ENTPD4: variants seen among roughly 807,000 people sequenced by gnomAD.
ENTPD4 encodes the protein Golgi UDPase.
ENTPD4 carries 60 observed loss-of-function variants against 79.1 expected under a neutral mutation model. That is an observed-to-expected ratio of 0.76 (90% CI 0.62 to 0.94). The LOEUF is 0.94. Among genes scored for constraint, ENTPD4 ranks in the 40% least tolerant of loss-of-function variants. The pLI, the probability that ENTPD4 is intolerant of heterozygous loss-of-function variation, is 0.00. For synonymous variants in ENTPD4, 276 were observed against 292.0 expected (o/e 0.95, Z 0.56); for missense variants, 772 against 775.1 (o/e 1.00, Z 0.05).
chr8:23,431,612 A>G lies in ENTPD4; in HGVS notation c.*1314T>C, dbSNP rs1168807803. ...GTGCTGCCAGCAACAGCCTCAGTCA[A>G]TGCGGTTAGGAAGAGGACTCGGCAG... On this transcript the variant is annotated 3_prime_UTR_variant, in exon 13 of 13. Transcript: ENST00000358689. 4 of 985,246 alleles carry G rather than the reference A, an allele frequency of 4.1e-6. No homozygotes were observed. In the African/African-American group the frequency reaches 7.0e-5, roughly 17 times the overall value. 61.0% of individuals were successfully genotyped at this position (985,246 alleles called of 1,614,324 possible).
chr8:23,451,651 G>C (rs1563228847), intron 1 of ENTPD4, among the ~76,000 whole-genome samples: 2 of 152,130 alleles, frequency 1.3e-5, no homozygotes, highest in Non-Finnish European at 2.9e-5. Flanking sequence ...CTCATCGTCT[G>C]CTCTCTCCTC....
rs746762241 is a variant in ENTPD4 at position 23,439,910 on chromosome 8, T to C, written c.888A>G (p.Glu296=). 51 of 1,613,598 alleles carry C rather than the reference T, an allele frequency of 3.2e-5. No individual in the cohort carries two copies. Among genetic ancestry groups the C allele is most frequent in the Non-Finnish European group, 3.9e-5 (46 of 1,179,552 alleles). Residue 296 remains glutamate, a synonymous_variant, in exon 9 of 13, where the codon GAA becomes GAG. Transcript: ENST00000358689. ...TVSFASSQQE[E]VAKNLLAEFN... ...ATTCAGCTAACAAGTTTTTAGCTAC[T>C]TCTTCCTGCAGACATAAGCATAACA...
At chr8:23,446,005 CTG>C (rs138470321) in intron 4 of ENTPD4, among the ~76,000 whole-genome samples, 195 of 152,312 alleles carry the variant, frequency 1.3e-3, no homozygotes, top group African/African-American at 4.4e-3. Context: ...ATTGACTAAA[CTG>C]TAAGTTTTTG....
chr8:23,448,988 T>C, intron 2 of ENTPD4, 49 bp from the exon 3 acceptor site: 1 of 1,438,718 alleles, frequency 7.0e-7, no homozygotes, highest in Non-Finnish European at 9.7e-7. Flanking sequence ...CCAATGAGGC[T>C]TCCTTCACCT....
At position 23,431,351 on chromosome 8, in the gene ENTPD4, T is replaced by G; in HGVS notation, c.*1575A>C. 3.0e-6 allele frequency: 3 copies of G among 985,450 alleles called. No homozygotes were observed. Among genetic ancestry groups the G allele is most frequent in the Non-Finnish European group, 3.6e-6 (3 of 829,958 alleles). 61.0% of individuals were successfully genotyped at this position (985,450 alleles called of 1,614,324 possible). ...ACCAACTACAGGAATTTAACTGTTCTGGAGTTAGGGAACAGCACACACAGA... is the reference window on the plus strand; with the variant it reads ...ACCAACTACAGGAATTTAACTGTTCGGGAGTTAGGGAACAGCACACACAGA... On this transcript the variant is annotated 3_prime_UTR_variant, in exon 13 of 13. Coordinates refer to ENST00000358689, the MANE Select transcript of ENTPD4 (RefSeq NM_004901.5).
Position 23,437,038 on chromosome 8 carries a change from G to C in ENTPD4, c.1270C>G (p.Gln424Glu). The C allele has an allele frequency of 6.2e-7, 1 of 1,613,898 alleles. No homozygotes were observed. The highest frequency in any genetic ancestry group is 1.1e-5 in the South Asian group (1 of 91,080). Residue 424 changes from glutamine (Q) to glutamate (E), a missense_variant, in exon 10 of 13, where the codon CAG (glutamine) becomes GAG (glutamate). Gln to Glu is a conservative substitution (Grantham distance 29). Transcript: ENST00000358689. ...GAGAAGCCATAGAATTCACTGTTCT[G>C]GAAGTGAATTGGGGGCTGGTAGACC... is the stretch of plus-strand genomic sequence containing the variant. ...NGVYQPPIHF[Q>E]NSEFYGFSEF...
chr8:23,447,634 G>T, intron 4 of ENTPD4, 46 bp downstream of exon 4: 2 of 1,450,410 alleles, frequency 1.4e-6, no homozygotes, highest in South Asian at 1.1e-5. Flanking sequence ...CACAGAGAAT[G>T]AAGGTACACA....
In ENTPD4 at chr8:23,432,219, G is replaced by A. The variant is rs1585398221; in HGVS notation, c.*707C>T. 6.1e-6 allele frequency: 6 copies of A among 979,478 alleles called. 1 individual carries two copies. The African/African-American group carries it at 7.1e-5, about 12-fold the overall frequency. The allele number at this position is 979,478 out of a possible 1,614,324, so 60.7% of individuals were successfully genotyped here. A position where few individuals can be genotyped will look rare whatever the true frequency, so the allele number is the denominator to read the frequency against. On this transcript the variant is annotated 3_prime_UTR_variant, in exon 13 of 13. Coordinates refer to ENST00000358689, the MANE Select transcript of ENTPD4 (RefSeq NM_004901.5). ...TAGAGCTTTCAAGATAGAGAAAAAA[G>A]AGGATTATCATTTCAGGCAGTAAGT...
At chr8:23,441,040 C>G (rs1406404270) in intron 8 of ENTPD4, among the ~76,000 whole-genome samples, 1 of 152,204 alleles carries the variant, frequency 6.6e-6, no homozygotes, top group Admixed American at 6.5e-5. Context: ...AGAAATACAT[C>G]TGGAAACCGT....
intron 8 of ENTPD4, chr8:23,441,263 A>G (rs901268304): frequency 1.4e-5 from 3 of 218,102 alleles, no homozygotes; most frequent in Non-Finnish European, 2.3e-5. Flanking sequence ...TTTACATTTC[A>G]TAAAACCTGT....
chr8:23,438,515 G>A (rs1219336444), intron 9 of ENTPD4, among the ~76,000 whole-genome samples: 1 of 152,124 alleles, frequency 6.6e-6, no homozygotes, highest in East Asian at 1.9e-4. Flanking sequence ...AAAAGTCCAA[G>A]AGTAGTCAAA....
In ENTPD4 at chr8:23,429,634, G is replaced by A; in HGVS notation, c.*3292C>T. On this transcript the variant is annotated 3_prime_UTR_variant, in exon 13 of 13. Transcript: ENST00000358689. ...CTCTGTGTAGGCCTGAGTTTAAAAT[G>A]TAAATATCTGTTTATCCAGAGTTTG... The A allele has an allele frequency of 1.0e-6, 1 of 985,424 alleles. No homozygotes were observed. Among genetic ancestry groups the A allele is most frequent in the South Asian group, 4.7e-5 (1 of 21,288 alleles). 61.0% of individuals were successfully genotyped at this position (985,424 alleles called of 1,614,324 possible).
chr8:23,434,331 G>A lies in ENTPD4; in HGVS notation c.1608C>T (p.Arg536=). 6.2e-7 allele frequency: 1 copy of A among 1,614,118 alleles called. No individual in the cohort carries two copies. The change falls in exon 12 of 13, where the codon CGC becomes CGT. Residue 536 remains arginine (R), a synonymous_variant. Transcript: ENST00000358689. ...WTLGAILYRT[R]FLPLRDIQQE... ...CACAGCCCTACCTTAATGGTAGAAA[G>A]CGGGTCCTGTAGAGGATGGCTCCAA...
chr8:23,457,297 AG>A (rs1314372726), intron 1 of ENTPD4, among the ~76,000 whole-genome samples: 5 of 143,116 alleles, frequency 3.5e-5, no homozygotes, highest in African/African-American at 1.4e-4. Flanking sequence ...CGCGACCGCC[AG>A]GTGTCCCCTG....
At position 23,441,638 on chromosome 8, in the gene ENTPD4, G is replaced by A; in HGVS notation, c.813C>T (p.Asp271=). Residue 271 remains aspartate, a synonymous_variant, in exon 8 of 13, where the codon GAC becomes GAT. Transcript: ENST00000358689. ...IVRKRTAGIL[D]MGGVSTQIAY... is the part of the protein sequence containing the mutation. ...CTATCTGAGTCGACACGCCGCCCATGTCGAGAATGCCCGCTGTCCTTTTAC... is the reference window on the plus strand; with the variant it reads ...CTATCTGAGTCGACACGCCGCCCATATCGAGAATGCCCGCTGTCCTTTTAC... 6.2e-7 allele frequency: 1 copy of A among 1,614,202 alleles called. No individual in the cohort carries two copies. The highest frequency in any genetic ancestry group is 8.5e-7 in the Non-Finnish European group (1 of 1,180,026).
chr8:23,445,329 T>C (rs1225342309), intron 4 of ENTPD4, among the ~76,000 whole-genome samples: 1 of 151,986 alleles, frequency 6.6e-6, no homozygotes, highest in Non-Finnish European at 1.5e-5. Context: ...CTCCCCACCA[T>C]TCCCTACCCA....
chr8:23,431,246 T>C lies in ENTPD4; in HGVS notation c.*1680A>G, dbSNP rs1800449210. ...CCAAACTCTCCCAGCCTCTGCCCAGTACCTAGTTCCAAAGCCACTTTTATA... is the reference window on the plus strand; with the variant it reads ...CCAAACTCTCCCAGCCTCTGCCCAGCACCTAGTTCCAAAGCCACTTTTATA... On this transcript the variant is annotated 3_prime_UTR_variant, in exon 13 of 13. Transcript: ENST00000358689. 1.4e-6 allele frequency: 1 copy of C among 719,576 alleles called. No homozygotes were observed. The highest frequency in any genetic ancestry group is 1.9e-5 in the African/African-American group (1 of 51,468). The allele number at this position is 719,576 out of a possible 1,614,324, so 44.6% of individuals were successfully genotyped here.
At chr8:23,446,749 T>G (rs1205352106) in intron 4 of ENTPD4, among the ~76,000 whole-genome samples, 1 of 152,200 alleles carries the variant, frequency 6.6e-6, no homozygotes, top group Non-Finnish European at 1.5e-5. Flanking sequence ...CCATTCTACA[T>G]GGTTGGAGAC....
chr8:23,438,419 AAATT>A (rs1368326331), intron 9 of ENTPD4, among the ~76,000 whole-genome samples: 2 of 152,248 alleles, frequency 1.3e-5, no homozygotes, highest in African/African-American at 4.8e-5. Context: ...TAATTTAAAA[AAATT>A]AATCACCACT....
Sources: gnomAD v4.1 joint callset for allele counts (sites outside exome capture counted in the v4.1 genomes callset) on GRCh38, gnomAD v4.1.1 for gene constraint, MANE v1.5 for transcripts, NCBI Gene and HGNC (gene_info 2026-07-23, HGNC 2026-07-21) for gene names.